Variants in CDK6 observed in about 807,000 individuals in gnomAD.
CDK6 encodes cyclin-dependent kinase 6.
In CDK6, 6 loss-of-function variants were observed where a neutral mutation model predicts 37.1. The observed-to-expected ratio is 0.16, with a 90% CI of 0.09 to 0.32. The LOEUF is 0.32. Among genes scored for constraint, CDK6 ranks in the 10% least tolerant of loss-of-function variants. The probability of loss-of-function intolerance (pLI) is 1.00; values close to 1 mark genes in which losing one functional copy is unlikely to be tolerated. For synonymous variants in CDK6, 160 were observed against 161.3 expected (o/e 0.99, Z 0.06); for missense variants, 224 against 418.9 (o/e 0.53, Z 4.06).
At chr7:92,683,622 A>G (rs1171356452) in intron 4 of CDK6, among the ~76,000 whole-genome samples, 1 of 151,878 alleles carries the variant, frequency 6.6e-6, no homozygotes, top group Non-Finnish European at 1.5e-5. Flanking sequence ...GGTCATCGAG[A>G]TGCATGCAGG....
At chr7:92,672,231 A>ACG (rs1797104165) in intron 4 of CDK6, among the ~76,000 whole-genome samples, 2 of 145,536 alleles carry the variant, frequency 1.4e-5, no homozygotes, top group Non-Finnish European at 3.0e-5. Context: ...ACACACACAC[A>ACG]CACACACACA....
At chr7:92,762,842 A>G (rs1368979764) in intron 3 of CDK6, among the ~76,000 whole-genome samples, 1 of 152,176 alleles carries the variant, frequency 6.6e-6, no homozygotes, top group Non-Finnish European at 1.5e-5. Context: ...AAGTGCTGGG[A>G]TTACAGGCGT....
At chr7:92,771,614 C>G (rs1175349796) in intron 3 of CDK6, among the ~76,000 whole-genome samples, 1 of 152,162 alleles carries the variant, frequency 6.6e-6, no homozygotes, top group African/African-American at 2.4e-5. Flanking sequence ...TATCTCTTCT[C>G]TTATACTCTA....
chr7:92,669,431 G>C (rs1797027626), intron 5 of CDK6, among the ~76,000 whole-genome samples: 1 of 152,104 alleles, frequency 6.6e-6, no homozygotes, highest in Non-Finnish European at 1.5e-5. Flanking sequence ...TAAAAAAATT[G>C]ACTTTTAGCA....
intron 4 of CDK6, among the ~76,000 whole-genome samples, chr7:92,695,228 A>G (rs949079198): frequency 1.3e-5 from 2 of 151,686 alleles, no homozygotes; most frequent in Non-Finnish European, 2.9e-5. Context: ...TTAGGGGGAA[A>G]AAGTCTCATA....
intron 2 of CDK6, among the ~76,000 whole-genome samples, chr7:92,809,124 T>A: frequency 6.6e-6 from 1 of 152,200 alleles, no homozygotes. Flanking sequence ...TGAAGATATA[T>A]TTCTAAAGAA....
chr7:92,836,088 C>T (rs370667367), intron 1 of CDK6, among the ~76,000 whole-genome samples: 2 of 152,228 alleles, frequency 1.3e-5, no homozygotes, highest in East Asian at 1.9e-4. Flanking sequence ...GCATTTTAAA[C>T]CCTAAATGTG....
intron 4 of CDK6, among the ~76,000 whole-genome samples, chr7:92,720,039 C>T (rs973441534): frequency 2.0e-5 from 3 of 152,082 alleles, no homozygotes; most frequent in African/African-American, 7.2e-5. Context: ...AGCAATGATA[C>T]TTTTATAAGA....
chr7:92,833,749 C>A lies in CDK6; in HGVS notation c.-367-59G>T, dbSNP rs897852499. On this transcript the variant is annotated intron_variant, in intron 1 of 7. Coordinates refer to ENST00000424848, the MANE Select transcript of CDK6 (RefSeq NM_001145306.2). The surrounding 1 kb of genome is among the most constrained non-coding windows in gnomAD (Gnocchi z 6.1). ...GCAATCAGACAGCCCAGAAGCCTTC[C>A]TCGGGGTTCCTCCAGACTCCCCTCC... 1.7e-5 allele frequency: 7 copies of A among 412,274 alleles called. No individual in the cohort carries two copies. The highest frequency in any genetic ancestry group is 2.5e-5 in the Non-Finnish European group (6 of 235,664). The allele number at this position is 412,274 out of a possible 1,614,324, so 25.5% of individuals were successfully genotyped here.
intron 4 of CDK6, among the ~76,000 whole-genome samples, chr7:92,705,923 C>A (rs1203027524): frequency 6.6e-6 from 1 of 152,180 alleles, no homozygotes; most frequent in Admixed American, 6.5e-5. Context: ...GGCATTCCTG[C>A]ATGGCTTTGT....
At chr7:92,662,354 T>C (rs1796859176) in intron 5 of CDK6, among the ~76,000 whole-genome samples, 1 of 151,676 alleles carries the variant, frequency 6.6e-6, no homozygotes, top group Non-Finnish European at 1.5e-5. Flanking sequence ...ATCGTGGGGA[T>C]GGGAAGAGAA....
At chr7:92,826,145 T>C (rs551923357) in intron 2 of CDK6, among the ~76,000 whole-genome samples, 2 of 152,100 alleles carry the variant, frequency 1.3e-5, no homozygotes, top group African/African-American at 4.8e-5. Context: ...CACTCACTTG[T>C]TACGTATTCA....
chr7:92,702,220 CTTTTT>C (rs3066453), intron 4 of CDK6, among the ~76,000 whole-genome samples: 4 of 44,954 alleles, frequency 8.9e-5, no homozygotes, highest in East Asian at 7.4e-4. Flanking sequence ...CAAGTATATT[CTTTTT>C]TTTTTTTTTT....
chr7:92,765,153 A>G lies in CDK6; in HGVS notation c.369+9543T>C, dbSNP rs148642806. Among the ~76,000 whole-genome samples, 13 of 152,360 alleles carry G rather than the reference A, an allele frequency of 8.5e-5. No homozygotes were observed. In the East Asian group the frequency reaches 2.5e-3, roughly 29 times the overall value. ...GGAAAGTAATTTTAAAATGAAAAAC[A>G]TGTATCACTACAAAATTATTTTTTA... On this transcript the variant is annotated intron_variant, in intron 3 of 7. Transcript: ENST00000424848.
chr7:92,658,036 T>C lies in CDK6; in HGVS notation c.647+13390A>G, dbSNP rs528478448. On this transcript the variant is annotated intron_variant, in intron 5 of 7. Coordinates refer to ENST00000424848, the MANE Select transcript of CDK6 (RefSeq NM_001145306.2). ...CATGGCCAACCTCCACTTGATATTG[T>C]TTTAATGTAGTGGTAGAAAAGGTAG... Among the ~76,000 whole-genome samples, 18 of 152,338 alleles carry C rather than the reference T, an allele frequency of 1.2e-4. No homozygotes were observed. In the South Asian group the frequency reaches 3.1e-3, roughly 26 times the overall value.
intron 4 of CDK6, among the ~76,000 whole-genome samples, chr7:92,724,398 G>A (rs1024031061): frequency 4.6e-5 from 7 of 152,086 alleles, no homozygotes; most frequent in African/African-American, 1.7e-4. Context: ...TGCATCAAAA[G>A]TTCTGATGCC....
intron 5 of CDK6, among the ~76,000 whole-genome samples, chr7:92,637,319 T>TA: frequency 6.6e-6 from 1 of 152,344 alleles, no homozygotes; most frequent in African/African-American, 2.4e-5. Context: ...ACTGACCAGT[T>TA]AGACTTCTTG....
At chr7:92,657,947 C>T (rs1436962207) in intron 5 of CDK6, among the ~76,000 whole-genome samples, 1 of 152,140 alleles carries the variant, frequency 6.6e-6, no homozygotes, top group African/African-American at 2.4e-5. Flanking sequence ...GTCTCGAACT[C>T]CTGAGCTCAA....
Position 92,643,232 on chromosome 7 carries a change from C to A in CDK6, c.648-20146G>T, listed in dbSNP as rs563409271. ...TACAAATGAACTAATGGGAATAACA[C>A]TGGTAAGCCTGATGTTGAGACCAAG... On this transcript the variant is annotated intron_variant, in intron 5 of 7. Coordinates refer to ENST00000424848, the MANE Select transcript of CDK6 (RefSeq NM_001145306.2). 2.0e-5 allele frequency among the ~76,000 whole-genome samples: 3 copies of A among 152,328 alleles called. 1 individual carries two copies. The highest frequency in any genetic ancestry group is 2.0e-4 in the Admixed American group (3 of 15,306).
Sources: allele counts gnomAD v4.1 joint callset (sites outside exome capture counted in the v4.1 genomes callset), GRCh38; gene constraint gnomAD v4.1.1; non-coding constraint Gnocchi (gnomAD v3.1); transcripts MANE v1.5; gene names NCBI Gene and HGNC (gene_info 2026-07-23, HGNC 2026-07-21).